NKAIN2: variants seen among roughly 807,000 people sequenced by gnomAD.
NKAIN2 encodes sodium/potassium transporting ATPase interacting 2.
NKAIN2 carries 14 observed loss-of-function variants against 32.6 expected under a neutral mutation model. The observed-to-expected ratio is 0.43, with a 90% CI of 0.28 to 0.67. NKAIN2 has a LOEUF of 0.67. Among genes scored for constraint, NKAIN2 ranks in the 30% least tolerant of loss-of-function variants. The probability of loss-of-function intolerance (pLI) is 0.17; values close to 1 mark genes in which losing one functional copy is unlikely to be tolerated. For synonymous variants in NKAIN2, 80 were observed against 87.2 expected, an observed-to-expected ratio of 0.92 and a Z score of 0.46; for missense variants, 198 against 258.3, an observed-to-expected ratio of 0.77 and a Z score of 1.60.
intron 2 of NKAIN2, among the ~76,000 whole-genome samples, chr6:124,300,343 T>C (rs1011102937): frequency 1.3e-5 from 2 of 152,166 alleles, no homozygotes; most frequent in East Asian, 3.9e-4. Flanking sequence ...TTGCTCCTCA[T>C]TGTCTTCTGT....
At chr6:124,097,421 GTAAT>G (rs1784692846) in intron 1 of NKAIN2, among the ~76,000 whole-genome samples, 1 of 140,408 alleles carries the variant, frequency 7.1e-6, no homozygotes, top group Admixed American at 7.1e-5. Flanking sequence ...AAAAAAAAAA[GTAAT>G]TAACTTAGAG....
intron 3 of NKAIN2, among the ~76,000 whole-genome samples, chr6:124,644,210 T>C (rs998949051): frequency 1.3e-5 from 2 of 152,134 alleles, no homozygotes; most frequent in Non-Finnish European, 2.9e-5. Flanking sequence ...TCTGAAGATT[T>C]ACTAGGAGAG....
At chr6:124,671,741 A>G (rs1167750147) in intron 4 of NKAIN2, among the ~76,000 whole-genome samples, 1 of 152,062 alleles carries the variant, frequency 6.6e-6, no homozygotes, top group Non-Finnish European at 1.5e-5. Context: ...GACATATTTT[A>G]GGTACTTGGT....
chr6:124,401,996 C>A (rs528996705), intron 3 of NKAIN2, among the ~76,000 whole-genome samples: 6 of 152,054 alleles, frequency 3.9e-5, no homozygotes, highest in Non-Finnish European at 2.9e-5. Context: ...TAAATACTCT[C>A]CTGTACTCCC....
chr6:124,242,282 CAT>C (rs776089983), intron 1 of NKAIN2, among the ~76,000 whole-genome samples: 2 of 152,210 alleles, frequency 1.3e-5, no homozygotes, highest in East Asian at 3.9e-4. Context: ...GGCCAACAAA[CAT>C]ATGAAAAGAA....
chr6:124,700,509 A>G (rs1307885017), intron 4 of NKAIN2, among the ~76,000 whole-genome samples: 2 of 152,118 alleles, frequency 1.3e-5, no homozygotes, highest in Non-Finnish European at 2.9e-5. Context: ...CAGATTACAA[A>G]CCTCAGTTTG....
chr6:124,699,239 C>T (rs915005588), intron 4 of NKAIN2, among the ~76,000 whole-genome samples: 1 of 152,150 alleles, frequency 6.6e-6, no homozygotes, highest in African/African-American at 2.4e-5. Flanking sequence ...AGGTGGCTCA[C>T]AGTTGATGCT....
chr6:124,339,474 C>T (rs183405176), intron 2 of NKAIN2, among the ~76,000 whole-genome samples: 1 of 152,142 alleles, frequency 6.6e-6, no homozygotes. Flanking sequence ...TCGATCCTTG[C>T]CTCTTCCAGG....
chr6:124,464,303 G>A (rs579554), intron 3 of NKAIN2, among the ~76,000 whole-genome samples: 53,546 of 151,774 alleles, frequency 0.35, 11,571 homozygotes, highest in African/African-American at 0.62. Flanking sequence ...TAATGTGATG[G>A]TTTCAGAGTC....
intron 1 of NKAIN2, among the ~76,000 whole-genome samples, chr6:123,842,287 A>T (rs1238638076): frequency 6.6e-6 from 1 of 152,206 alleles, no homozygotes; most frequent in Non-Finnish European, 1.5e-5. Context: ...GAAATCCAAG[A>T]TCAAAGTGCC....
In NKAIN2 at chr6:124,505,477, G is replaced by A. The variant is rs191047913; in HGVS notation, c.273+150130G>A. Among the ~76,000 whole-genome samples, 22 of 152,260 alleles carry A rather than the reference G, an allele frequency of 1.4e-4. 1 individual carries two copies. The East Asian group carries it at 3.3e-3, about 23-fold the overall frequency. On this transcript the variant is annotated intron_variant, in intron 3 of 6. Transcript: ENST00000368417. ...CATCAAATTTCCATTCGTAACTGTG[G>A]CACCAAATTTTAGTATTGCAGAGAA...
intron 4 of NKAIN2, among the ~76,000 whole-genome samples, chr6:124,727,962 G>C (rs1776422909): frequency 6.7e-6 from 1 of 149,240 alleles, no homozygotes; most frequent in African/African-American, 2.5e-5. Flanking sequence ...AGACAAAGAA[G>C]GCCATTACAT....
intron 1 of NKAIN2, among the ~76,000 whole-genome samples, chr6:123,851,242 CTATTT>C (rs1200354239): frequency 1.4e-5 from 1 of 71,042 alleles, no homozygotes; most frequent in Non-Finnish European, 2.8e-5. Flanking sequence ...TATGGTGGTT[CTATTT>C]TTTTTTTTTT....
intron 4 of NKAIN2, among the ~76,000 whole-genome samples, chr6:124,687,579 T>TATA (rs1774026069): frequency 1.2e-5 from 1 of 83,074 alleles, no homozygotes; most frequent in African/African-American, 5.2e-5. Flanking sequence ...ATAATATATA[T>TATA]TTATAATATA....
At chr6:123,824,334 G>A (rs1322480087) in intron 1 of NKAIN2, among the ~76,000 whole-genome samples, 1 of 152,072 alleles carries the variant, frequency 6.6e-6, no homozygotes, top group Non-Finnish European at 1.5e-5. Context: ...ATGATTATCT[G>A]TATTGTAAAG....
chr6:124,790,736 G>T (rs763416168), intron 4 of NKAIN2, among the ~76,000 whole-genome samples: 1 of 151,986 alleles, frequency 6.6e-6, no homozygotes, highest in African/African-American at 2.4e-5. Context: ...CAGAAAAGAC[G>T]ATGCGACGTG....
intron 3 of NKAIN2, among the ~76,000 whole-genome samples, chr6:124,422,942 C>T (rs1411785633): frequency 2.0e-5 from 3 of 152,090 alleles, no homozygotes; most frequent in African/African-American, 7.2e-5. Context: ...AACTTCATGA[C>T]ATACAAAAGA....
intron 3 of NKAIN2, among the ~76,000 whole-genome samples, chr6:124,613,110 T>A (rs1782752480): frequency 6.6e-6 from 1 of 152,134 alleles, no homozygotes; most frequent in East Asian, 1.9e-4. Context: ...TAATCAGCCT[T>A]GGAAGAATAG....
chr6:123,847,605 A>G (rs1247417428), intron 1 of NKAIN2, among the ~76,000 whole-genome samples: 1 of 152,196 alleles, frequency 6.6e-6, no homozygotes, highest in Non-Finnish European at 1.5e-5. Flanking sequence ...TAAGACGATT[A>G]AAATAAATAC....
Sources: allele counts gnomAD v4.1 joint callset (sites outside exome capture counted in the v4.1 genomes callset), GRCh38; gene constraint gnomAD v4.1.1; transcripts MANE v1.5; gene names NCBI Gene and HGNC (gene_info 2026-07-23, HGNC 2026-07-21).